The following GALNT13 variants were observed in gnomAD, a reference collection of about 807,000 sequenced individuals.
GALNT13 encodes polypeptide N-acetylgalactosaminyltransferase 13.
Under a neutral mutation model 64.2 loss-of-function variants are expected in GALNT13, and 28 were observed. The observed-to-expected ratio is 0.44, with a 90% CI of 0.32 to 0.60. The LOEUF is 0.60. Ranked by LOEUF, GALNT13 falls within the 20% of genes least tolerant of loss-of-function variation. The pLI is 0.05. For missense variants in GALNT13, 577 were observed against 669.8 expected, an observed-to-expected ratio of 0.86 and a Z score of 1.53; for synonymous variants, 214 against 224.6, an observed-to-expected ratio of 0.95 and a Z score of 0.42.
chr2:153,543,292 A>G, the GALNT13 span, among the ~76,000 whole-genome samples: 1 of 152,196 alleles, frequency 6.6e-6, no homozygotes, highest in African/African-American at 2.4e-5. Flanking sequence ...AAGGAAGACA[A>G]TAATTCTTGT....
the GALNT13 span, among the ~76,000 whole-genome samples, chr2:153,258,021 G>A: frequency 1.3e-5 from 2 of 152,040 alleles, no homozygotes; most frequent in Non-Finnish European, 2.9e-5. Context: ...ATTATCTTGG[G>A]ACCTGAAGAA....
In GALNT13 at chr2:153,883,280, A is replaced by G. The variant is rs181533308; in HGVS notation, c.-177+10977A>G. Among the ~76,000 whole-genome samples, 421 of 151,972 alleles carry G rather than the reference A, an allele frequency of 2.8e-3. 2 individuals carry two copies. Among genetic ancestry groups the G allele is most frequent in the Non-Finnish European group, 3.1e-3 (208 of 67,912 alleles). ...CTAATAAAAATGAAACAAGATGGAA[A>G]ATATGAGTCACAGTGAATCTCCACG... is the stretch of plus-strand genomic sequence containing the variant. On this transcript the variant is annotated intron_variant, in intron 1 of 12. Coordinates refer to ENST00000392825, the MANE Select transcript of GALNT13 (RefSeq NM_052917.4).
chr2:154,058,427 A>G (rs908622113), intron 3 of GALNT13, among the ~76,000 whole-genome samples: 1 of 152,272 alleles, frequency 6.6e-6, no homozygotes, highest in Non-Finnish European at 1.5e-5. Context: ...CATTATTAAC[A>G]TAAAGTGTAA....
At chr2:153,863,214 TTGAA>T in the GALNT13 span, among the ~76,000 whole-genome samples, 1 of 152,146 alleles carries the variant, frequency 6.6e-6, no homozygotes, top group Non-Finnish European at 1.5e-5. Flanking sequence ...AATAATTACT[TTGAA>T]TGAGATAGGT....
intron 4 of GALNT13, among the ~76,000 whole-genome samples, chr2:154,171,069 G>A (rs933141004): frequency 6.6e-6 from 1 of 152,090 alleles, no homozygotes. Flanking sequence ...AAAGCCCATA[G>A]TATCTTCCTG....
chr2:154,031,246 T>C (rs980178424), intron 3 of GALNT13, among the ~76,000 whole-genome samples: 4 of 151,992 alleles, frequency 2.6e-5, no homozygotes, highest in African/African-American at 9.7e-5. Context: ...AGGGTAAGTA[T>C]TAGACACATT....
chr2:154,176,908 T>C (rs1286656829), intron 4 of GALNT13, among the ~76,000 whole-genome samples: 1 of 152,222 alleles, frequency 6.6e-6, no homozygotes, highest in Non-Finnish European at 1.5e-5. Context: ...ATCTAGACTA[T>C]TGTTACTTAA....
At chr2:153,983,414 A>G (rs1002325981) in intron 3 of GALNT13, among the ~76,000 whole-genome samples, 1 of 151,786 alleles carries the variant, frequency 6.6e-6, no homozygotes, top group Non-Finnish European at 1.5e-5. Context: ...TTATTTATAA[A>G]CTCTTTAAGT....
At chr2:153,807,150 C>T in the GALNT13 span, among the ~76,000 whole-genome samples, 1 of 151,914 alleles carries the variant, frequency 6.6e-6, no homozygotes, top group Non-Finnish European at 1.5e-5. Flanking sequence ...TTTTAGCAAC[C>T]CCATCCCTCT....
At chr2:153,547,692 A>G in the GALNT13 span, among the ~76,000 whole-genome samples, 2 of 152,190 alleles carry the variant, frequency 1.3e-5, no homozygotes, top group African/African-American at 2.4e-5. Flanking sequence ...AAGTTTAGAA[A>G]TTATATAGAG....
the GALNT13 span, among the ~76,000 whole-genome samples, chr2:153,781,348 G>T: frequency 0.019 from 2,840 of 152,224 alleles, 84 homozygotes; most frequent in East Asian, 0.13. Context: ...GCCTCAGTTT[G>T]CTCATCCTCA....
intron 9 of GALNT13, among the ~76,000 whole-genome samples, chr2:154,326,615 T>A (rs1694887656): frequency 6.6e-6 from 1 of 152,108 alleles, no homozygotes; most frequent in Non-Finnish European, 1.5e-5. Flanking sequence ...ATAACAATTT[T>A]TCCGTTCCTT....
chr2:153,819,581 C>A, the GALNT13 span, among the ~76,000 whole-genome samples: 1 of 152,174 alleles, frequency 6.6e-6, no homozygotes, highest in African/African-American at 2.4e-5. Context: ...GTCCCCTCAT[C>A]CACATGGAAC....
At chr2:153,112,029 C>T in the GALNT13 span, among the ~76,000 whole-genome samples, 1 of 152,226 alleles carries the variant, frequency 6.6e-6, no homozygotes, top group South Asian at 2.1e-4. Flanking sequence ...CCCCTACCAC[C>T]TATCACCAAA....
the GALNT13 span, among the ~76,000 whole-genome samples, chr2:153,449,465 A>C: frequency 1.3e-5 from 2 of 152,080 alleles, no homozygotes; most frequent in African/African-American, 4.8e-5. Context: ...TCTGGCTCCC[A>C]CACAGTGGAA....
the GALNT13 span, among the ~76,000 whole-genome samples, chr2:153,509,364 C>T: frequency 2.0e-5 from 3 of 152,248 alleles, no homozygotes; most frequent in Non-Finnish European, 4.4e-5. Flanking sequence ...ACGGAGTGCG[C>T]AGACCTGGCG....
At chr2:154,414,709 G>A (rs1300443757) in intron 11 of GALNT13, among the ~76,000 whole-genome samples, 1 of 151,642 alleles carries the variant, frequency 6.6e-6, no homozygotes, top group Admixed American at 6.6e-5. Context: ...TTTTTCTCTT[G>A]TCATTTATAA....
intron 9 of GALNT13, among the ~76,000 whole-genome samples, chr2:154,341,590 G>A (rs1185560982): frequency 6.6e-6 from 1 of 152,010 alleles, no homozygotes; most frequent in Admixed American, 6.6e-5. Flanking sequence ...GTGAGAAGTT[G>A]TGGAACATGA....
the GALNT13 span, among the ~76,000 whole-genome samples, chr2:153,729,796 A>T: frequency 6.6e-6 from 1 of 152,080 alleles, no homozygotes; most frequent in Non-Finnish European, 1.5e-5. Flanking sequence ...TATGCAAACC[A>T]GTATTCAAAA....
Sources: gnomAD v4.1 joint callset for allele counts (sites outside exome capture counted in the v4.1 genomes callset) on GRCh38, gnomAD v4.1.1 for gene constraint, MANE v1.5 for transcripts, NCBI Gene and HGNC (gene_info 2026-07-23, HGNC 2026-07-21) for gene names.